GLUD1: variants seen among roughly 807,000 people sequenced by gnomAD.
GLUD1 encodes glutamate dehydrogenase 1, mitochondrial.
Under a neutral mutation model 56.0 loss-of-function variants are expected in GLUD1, and 22 were observed. The observed-to-expected ratio is 0.39, with a 90% CI of 0.28 to 0.56. The LOEUF (loss-of-function observed/expected upper bound fraction) is 0.56. Among genes scored for constraint, GLUD1 ranks in the 20% least tolerant of loss-of-function variants. The probability of loss-of-function intolerance (pLI) is 0.58; values close to 1 mark genes in which losing one functional copy is unlikely to be tolerated. For missense variants in GLUD1, 451 were observed against 732.0 expected (o/e 0.62, Z 4.43); for synonymous variants, 223 against 269.9 (o/e 0.83, Z 1.70).
At chr10:87,084,375 G>C (rs1488289895) in intron 1 of GLUD1, among the ~76,000 whole-genome samples, 1 of 152,310 alleles carries the variant, frequency 6.6e-6, no homozygotes, top group African/African-American at 2.4e-5. Context: ...TCCTTAGTAT[G>C]CTCAAGTCTA....
chr10:87,081,806 A>G (rs1158667358), intron 1 of GLUD1, among the ~76,000 whole-genome samples: 3 of 151,474 alleles, frequency 2.0e-5, no homozygotes, highest in Non-Finnish European at 4.4e-5. Context: ...GGACACAAAC[A>G]CTGCGGAAGG....
At chr10:87,056,115 C>CAAAAAAAAAAAAAAAAAAAAAAAAAAA (rs201114912) in intron 11 of GLUD1, among the ~76,000 whole-genome samples, 1 of 62,758 alleles carries the variant, frequency 1.6e-5, no homozygotes, top group African/African-American at 7.2e-5. Context: ...GACTCTGTCT[C>CAAAAAAAAAAAAAAAAAAAAAAAAAAA]AAAAAAAAAA....
chr10:87,074,182 G>T (rs1431249637), intron 4 of GLUD1, among the ~76,000 whole-genome samples: 1 of 152,090 alleles, frequency 6.6e-6, no homozygotes, highest in Non-Finnish European at 1.5e-5. Flanking sequence ...CAGAAATGTT[G>T]TATGTTTGGC....
intron 4 of GLUD1, among the ~76,000 whole-genome samples, chr10:87,072,613 A>T (rs1231462725): frequency 6.6e-6 from 1 of 152,258 alleles, no homozygotes; most frequent in African/African-American, 2.4e-5. Context: ...CATTAAGCAA[A>T]TAAATCAAAT....
At chr10:87,056,287 C>T (rs972428062) in intron 11 of GLUD1, among the ~76,000 whole-genome samples, 2 of 150,638 alleles carry the variant, frequency 1.3e-5, no homozygotes, top group Admixed American at 6.6e-5. Context: ...CTGTTTACAC[C>T]GTTTCTTTTT....
At chr10:87,088,000 G>T (rs1272566272) in intron 1 of GLUD1, among the ~76,000 whole-genome samples, 1 of 152,034 alleles carries the variant, frequency 6.6e-6, no homozygotes, top group Non-Finnish European at 1.5e-5. Context: ...AAAATTGCTT[G>T]AACCTGGTAA....
chr10:87,059,295 AGAAATTAGAAG>A, intron 9 of GLUD1, 22 bp from the exon 10 acceptor site: 1 of 1,611,680 alleles, frequency 6.2e-7, no homozygotes, highest in Non-Finnish European at 8.5e-7. Flanking sequence ...AATAAGACAA[AGAAATTAGAAG>A]ATGATGGTTT....
At chr10:87,085,429 A>G (rs1841359484) in intron 1 of GLUD1, among the ~76,000 whole-genome samples, 1 of 152,120 alleles carries the variant, frequency 6.6e-6, no homozygotes, top group African/African-American at 2.4e-5. Flanking sequence ...AAAGTAGGCA[A>G]ATACCATCTT....
intron 12 of GLUD1, 33 bp from the exon 13 acceptor site, chr10:87,051,903 T>A: frequency 1.2e-6 from 2 of 1,613,736 alleles, no homozygotes; most frequent in Non-Finnish European, 1.7e-6. Context: ...GTGAAGATGA[T>A]CCTGACTCAA....
chr10:87,060,818 C>A lies in GLUD1; in HGVS notation c.1067G>T (p.Gly356Val), dbSNP rs1564765415. The change falls in exon 8 of 13, where the codon GGG becomes GTG. Residue 356 changes from glycine to valine, a missense_variant. Transcript: ENST00000277865. ...KELEDFKLQH[G>V]SILGFPKAKP... The stretch of plus-strand genomic sequence containing the variant: ...TGCCTTGGGGAAGCCCAGAATGGAC[C>A]CATGTTGCTGCCATTGATTGAAAAT... 1.9e-6 allele frequency: 3 copies of A among 1,613,940 alleles called. No homozygotes were observed. Among genetic ancestry groups the A allele is most frequent in the African/African-American group, 1.3e-5 (1 of 74,876 alleles).
At chr10:87,078,355 T>C (rs915000158) in intron 1 of GLUD1, among the ~76,000 whole-genome samples, 5 of 152,224 alleles carry the variant, frequency 3.3e-5, no homozygotes, top group South Asian at 2.1e-4. Context: ...GAGGCTCCCC[T>C]TGACCACTGT....
At chr10:87,058,804 T>C (rs1209759654) in intron 10 of GLUD1, among the ~76,000 whole-genome samples, 1 of 152,058 alleles carries the variant, frequency 6.6e-6, no homozygotes, top group Non-Finnish European at 1.5e-5. Flanking sequence ...GGCAGGAGAA[T>C]TGCTTGAACC....
intron 1 of GLUD1, among the ~76,000 whole-genome samples, chr10:87,087,527 T>C (rs1841412008): frequency 6.6e-6 from 1 of 152,194 alleles, no homozygotes; most frequent in South Asian, 2.1e-4. Context: ...CAGAAGCCCA[T>C]TAAGAGTGTC....
intron 1 of GLUD1, among the ~76,000 whole-genome samples, chr10:87,087,494 C>T (rs987931454): frequency 3.9e-5 from 6 of 152,130 alleles, no homozygotes; most frequent in African/African-American, 1.2e-4. Context: ...TTTTTGGTGA[C>T]TAGTCCCCAC....
At chr10:87,054,342 G>A (rs543441416) in intron 11 of GLUD1, among the ~76,000 whole-genome samples, 103 of 152,332 alleles carry the variant, frequency 6.8e-4, no homozygotes, top group African/African-American at 2.4e-3. Flanking sequence ...TAGAGAAGTG[G>A]TTTAGGGACG....
rs1244531645 is a variant in GLUD1 at position 87,060,208 on chromosome 10, G to A, written c.1231C>T (p.Pro411Ser). Residue 411 changes from proline to serine, a missense_variant, in exon 9 of 13, where the codon CCA becomes TCA. This residue lies in a region of GLUD1 where 248 missense variants were observed against 460.0 expected (regional missense o/e 0.54). Transcript: ENST00000277865. ...TCCAGGAAGATCTTGTCAGCTTCTG[G>A]AGTTGTTGGCCCATTGGCACCTTCA... ...IAEGANGPTTPEADKIFLERN... is the reference protein window; with the variant it reads ...IAEGANGPTTSEADKIFLERN... 6.2e-7 allele frequency: 1 copy of A among 1,612,202 alleles called. No individual in the cohort carries two copies. Among genetic ancestry groups the A allele is most frequent in the South Asian group, 1.1e-5 (1 of 91,040 alleles).
chr10:87,063,967 C>T (rs369679276), intron 5 of GLUD1, among the ~76,000 whole-genome samples: 4 of 152,040 alleles, frequency 2.6e-5, no homozygotes, highest in Non-Finnish European at 5.9e-5. Flanking sequence ...CAAGCTCCAT[C>T]TCCCGGGTTC....
chr10:87,067,968 A>G (rs959950113), intron 5 of GLUD1, 95 bp downstream of exon 5: 8 of 750,632 alleles, frequency 1.1e-5, no homozygotes, highest in Non-Finnish European at 1.9e-5. Context: ...TGAGAGAAAA[A>G]CCCAGGGATT....
intron 1 of GLUD1, among the ~76,000 whole-genome samples, chr10:87,091,958 TTTCATAGGGATTA>T (rs1055100222): frequency 6.6e-6 from 1 of 151,940 alleles, no homozygotes; most frequent in Non-Finnish European, 1.5e-5. Context: ...AAAGACAGAA[TTTCATAGGGATTA>T]TCCAAAGCAT....
Sources: gnomAD v4.1 joint callset for allele counts (sites outside exome capture counted in the v4.1 genomes callset) on GRCh38, gnomAD v4.1.1 for gene constraint, gnomAD v4.1.1 regional missense constraint, MANE v1.5 for transcripts, NCBI Gene and HGNC (gene_info 2026-07-23, HGNC 2026-07-21) for gene names.